Variants in SYNJ1 observed in about 807,000 individuals in gnomAD.
SYNJ1 encodes polyphosphatidylinositol phosphatase SYNJ1.
Under a neutral mutation model 168.2 loss-of-function variants are expected in SYNJ1, and 78 were observed. The ratio of observed to expected loss-of-function variants is 0.46; its 90% confidence interval spans 0.39 to 0.56. SYNJ1 has a LOEUF of 0.56. SYNJ1 is among the 20% of genes least tolerant of loss of function. The probability of loss-of-function intolerance (pLI) is 0.00; values close to 1 mark genes in which losing one functional copy is unlikely to be tolerated. For missense variants in SYNJ1, 1,303 were observed against 1,597.6 expected (o/e 0.82, Z 3.14); for synonymous variants, 539 against 548.6 (o/e 0.98, Z 0.24).
Position 32,642,117 on chromosome 21 carries a change from TC to T in SYNJ1, c.3494del (p.Gly1165GlufsTer8). ...TACCTATATTATCTTTCCTTGTTGT[TC>T]CAGGGCTTTTGGGTGCTTTGAAGCA... is the stretch of plus-strand genomic sequence containing the variant. ...RREMEAPKSP[G>X]TTRKDNIGRS... On this transcript the variant is annotated frameshift_variant, in exon 28 of 33. Coordinates refer to ENST00000674351, the MANE Select transcript of SYNJ1 (RefSeq NM_203446.3). LOFTEE classifies it high-confidence loss of function. 6.2e-7 allele frequency: 1 copy of T among 1,614,166 alleles called. No individual in the cohort carries two copies. Among genetic ancestry groups the T allele is most frequent in the Non-Finnish European group, 8.5e-7 (1 of 1,180,034 alleles).
In SYNJ1 at chr21:32,631,745, T is replaced by C. The variant is rs1020861731; in HGVS notation, c.*60A>G. The C allele has an allele frequency of 6.8e-6, 11 of 1,614,084 alleles. No homozygotes were observed. Among genetic ancestry groups the C allele is most frequent in the Non-Finnish European group, 9.3e-6 (11 of 1,180,030 alleles). ...GCAGATTAAATGACAGATCTTCAAA[T>C]GGGTCAATCTTTAATGGTGATTCTC... On this transcript the variant is annotated 3_prime_UTR_variant, in exon 33 of 33. Transcript: ENST00000674351.
At chr21:32,690,301 G>A (rs949984755) in intron 6 of SYNJ1, among the ~76,000 whole-genome samples, 1 of 152,178 alleles carries the variant, frequency 6.6e-6, no homozygotes, top group African/African-American at 2.4e-5. Context: ...TCGACCTCCT[G>A]GGCTCAAGGG....
chr21:32,646,058 A>C (rs994456401), intron 24 of SYNJ1: 1 of 729,248 alleles, frequency 1.4e-6, no homozygotes, highest in Non-Finnish European at 2.5e-6. Context: ...TGATATGCAC[A>C]AAGTATTGTT....
rs768218829 is a variant in SYNJ1, at chr21:32,670,324, A to G, written c.1775T>C (p.Met592Thr). 1 of 1,613,636 alleles carries G rather than the reference A, an allele frequency of 6.2e-7. No homozygotes were observed. The highest frequency in any genetic ancestry group is 8.5e-7 in the Non-Finnish European group (1 of 1,179,830). Residue 592 changes from methionine to threonine, a missense_variant, in exon 15 of 33, where the codon ATG becomes ACG. Coordinates refer to ENST00000674351, the MANE Select transcript of SYNJ1 (RefSeq NM_203446.3). ...TDIFAIGFEEMVELNAGNIVS... is the reference protein window; with the variant it reads ...TDIFAIGFEETVELNAGNIVS... ...AATGTTTCCAGCATTCAATTCTACC[A>G]TTTCTTCAAAACCAATTGCAAATAT...
intron 6 of SYNJ1, among the ~76,000 whole-genome samples, chr21:32,690,431 T>G (rs558582457): frequency 6.6e-4 from 101 of 152,328 alleles, no homozygotes; most frequent in African/African-American, 2.4e-3. Context: ...AGGATGGTCT[T>G]GAACTCCTGG....
Position 32,656,910 on chromosome 21 carries a change from C to T in SYNJ1, c.2580-8G>A. The stretch of plus-strand genomic sequence containing the variant: ...ATCAGGGCAACGACAGGCCTTAAGG[C>T]ATAAAGGAAGATAGATGTATTAGAA... On this transcript the variant is annotated splice_region_variant and splice_polypyrimidine_tract_variant and intron_variant, in intron 20 of 32. Transcript: ENST00000674351. 1 of 1,612,954 alleles carries T rather than the reference C, an allele frequency of 6.2e-7. No individual in the cohort carries two copies. Among genetic ancestry groups the T allele is most frequent in the Non-Finnish European group, 8.5e-7 (1 of 1,179,666 alleles).
intron 2 of SYNJ1, among the ~76,000 whole-genome samples, chr21:32,725,987 A>G (rs990956614): frequency 1.3e-5 from 2 of 152,156 alleles, no homozygotes; most frequent in Non-Finnish European, 2.9e-5. Context: ...ACTAAAGGGC[A>G]CACGACGGAG....
At chr21:32,653,151 T>C (rs2040335687) in intron 22 of SYNJ1, 137 bp downstream of exon 22, 1 of 678,962 alleles carries the variant, frequency 1.5e-6, no homozygotes, top group East Asian at 2.9e-5. Context: ...ATAAAAAACA[T>C]TAAATAACTC....
chr21:32,700,227 G>T, intron 3 of SYNJ1, 122 bp from the exon 4 acceptor site: 1 of 1,143,870 alleles, frequency 8.7e-7, no homozygotes. Context: ...TCATGGATGT[G>T]TTGAAATTCA....
At chr21:32,662,852 T>C (rs2040769048) in intron 18 of SYNJ1, among the ~76,000 whole-genome samples, 1 of 152,038 alleles carries the variant, frequency 6.6e-6, no homozygotes, top group South Asian at 2.1e-4. Context: ...TGTAACCCCT[T>C]AGAGCTAGTA....
At chr21:32,680,932 G>A (rs931200940) in intron 11 of SYNJ1, among the ~76,000 whole-genome samples, 1 of 152,080 alleles carries the variant, frequency 6.6e-6, no homozygotes, top group Admixed American at 6.5e-5. Flanking sequence ...CTCACACTTC[G>A]TTGGCACATC....
At chr21:32,664,795 A>T in intron 18 of SYNJ1, 118 bp downstream of exon 18, 1 of 797,864 alleles carries the variant, frequency 1.3e-6, no homozygotes, top group Non-Finnish European at 1.9e-6. Flanking sequence ...CTGTTTACCT[A>T]CAGATGCATA....
intron 9 of SYNJ1, among the ~76,000 whole-genome samples, chr21:32,684,500 T>C (rs967388613): frequency 1.3e-5 from 2 of 152,238 alleles, no homozygotes; most frequent in Admixed American, 1.3e-4. Context: ...GTCTACAGCA[T>C]TGATGCTAAA....
At chr21:32,703,773 A>G (rs845000) in intron 2 of SYNJ1, among the ~76,000 whole-genome samples, 83,548 of 151,514 alleles carry the variant, frequency 0.55, 23,668 homozygotes, top group African/African-American at 0.68. Flanking sequence ...GAGTTCAGTG[A>G]CACAATCACA....
intron 10 of SYNJ1, among the ~76,000 whole-genome samples, chr21:32,682,723 T>C (rs1382538865): frequency 6.6e-6 from 1 of 152,138 alleles, no homozygotes; most frequent in African/African-American, 2.4e-5. Flanking sequence ...TTCCTAACTA[T>C]CAACAGTGGA....
At position 32,639,127 on chromosome 21, in the gene SYNJ1, TA is replaced by T. The variant is rs780768947; in HGVS notation, c.3698-3del. The T allele has an allele frequency of 3.1e-6, 5 of 1,608,822 alleles. No individual in the cohort carries two copies. Among genetic ancestry groups the T allele is most frequent in the Non-Finnish European group, 4.2e-6 (5 of 1,177,474 alleles). On this transcript the variant is annotated splice_region_variant and splice_polypyrimidine_tract_variant and intron_variant, in intron 30 of 32. Transcript: ENST00000674351. ...GTGGTTCAGGAAGGAAAGTTGAACC[TA>T]AAAAACCAGTGGTTGTCAGATGTTA...
chr21:32,641,061 C>A (rs1304077750), intron 29 of SYNJ1, among the ~76,000 whole-genome samples: 2 of 152,076 alleles, frequency 1.3e-5, no homozygotes, highest in Admixed American at 6.5e-5. Flanking sequence ...TAAAAAAGAA[C>A]CTTCAGATTG....
chr21:32,680,540 T>C (rs1257214262), intron 11 of SYNJ1, among the ~76,000 whole-genome samples: 2 of 152,002 alleles, frequency 1.3e-5, no homozygotes, highest in Non-Finnish European at 2.9e-5. Context: ...GACAAATACT[T>C]GAGAAGAAAG....
chr21:32,663,807 G>C (rs192044779), intron 18 of SYNJ1, among the ~76,000 whole-genome samples: 1 of 152,186 alleles, frequency 6.6e-6, no homozygotes, highest in East Asian at 1.9e-4. Flanking sequence ...GCAGAGCCTT[G>C]ACTATACTGC....
Sources: allele counts gnomAD v4.1 joint callset (sites outside exome capture counted in the v4.1 genomes callset), GRCh38; gene constraint gnomAD v4.1.1; transcripts MANE v1.5; gene names NCBI Gene and HGNC (gene_info 2026-07-23, HGNC 2026-07-21).